PCLO: variants seen among roughly 807,000 people sequenced by gnomAD.
PCLO encodes the protein protein piccolo.
In PCLO, 82 loss-of-function variants were observed where a neutral mutation model predicts 427.5. The observed-to-expected ratio is 0.19, with a 90% CI of 0.16 to 0.23. The LOEUF is 0.23. PCLO is among the 10% of genes least tolerant of loss of function. PCLO has a pLI of 1.00. For missense variants in PCLO, 6,239 were observed against 6,115.9 expected, an observed-to-expected ratio of 1.02 and a Z score of -0.67; for synonymous variants, 2,357 against 2,155.4, an observed-to-expected ratio of 1.09 and a Z score of -2.59.
intron 6 of PCLO, among the ~76,000 whole-genome samples, chr7:82,924,202 G>A (rs570970313): frequency 2.6e-5 from 4 of 152,052 alleles, no homozygotes; most frequent in South Asian, 4.2e-4. Flanking sequence ...AAAGAGAACC[G>A]GAGGGAATAA....
chr7:83,048,039 C>T (rs1317450087), intron 3 of PCLO, among the ~76,000 whole-genome samples: 1 of 152,032 alleles, frequency 6.6e-6, no homozygotes, highest in East Asian at 1.9e-4. Flanking sequence ...TTTTTTTCCA[C>T]AACTCCAGCA....
chr7:83,065,678 G>A (rs1467512156), intron 3 of PCLO, among the ~76,000 whole-genome samples: 1 of 151,828 alleles, frequency 6.6e-6, no homozygotes, highest in Non-Finnish European at 1.5e-5. Flanking sequence ...AGATAAATTT[G>A]GCCAGAAATA....
intron 16 of PCLO, among the ~76,000 whole-genome samples, chr7:82,834,298 C>T (rs1792171298): frequency 6.6e-6 from 1 of 152,044 alleles, no homozygotes; most frequent in Non-Finnish European, 1.5e-5. Flanking sequence ...ACTAATTTTG[C>T]ATATCAGCCT....
chr7:82,814,933 T>A (rs1791645446), intron 20 of PCLO, among the ~76,000 whole-genome samples: 1 of 152,080 alleles, frequency 6.6e-6, no homozygotes, highest in East Asian at 1.9e-4. Context: ...AGAAACTGAT[T>A]AGCATCAGTT....
At chr7:82,876,237 T>A (rs760997883) in intron 10 of PCLO, among the ~76,000 whole-genome samples, 1 of 151,950 alleles carries the variant, frequency 6.6e-6, no homozygotes, top group African/African-American at 2.4e-5. Context: ...CTTCAACAAA[T>A]ACATTTAAAA....
At chr7:83,101,754 C>T (rs561824224) in intron 3 of PCLO, among the ~76,000 whole-genome samples, 29 of 152,188 alleles carry the variant, frequency 1.9e-4, no homozygotes, top group Admixed American at 1.1e-3. Context: ...TTGCCAATCA[C>T]GAGGCAATCC....
rs537157805 is a variant in PCLO at position 83,035,796 on chromosome 7, T to G, written c.3301-69309A>C. Among the ~76,000 whole-genome samples the G allele has an allele frequency of 3.3e-5, 5 of 152,270 alleles. No individual in the cohort carries two copies. The South Asian group carries it at 1.0e-3, about 32-fold the overall frequency. On this transcript the variant is annotated intron_variant, in intron 3 of 24. Transcript: ENST00000333891. Reference sequence around the variant, plus strand: ...AAAGTATAATGTGAATTAACATCTATTCTGTCCTTACTTTGTGACAGTCTT... The same window carrying G: ...AAAGTATAATGTGAATTAACATCTAGTCTGTCCTTACTTTGTGACAGTCTT...
chr7:82,764,515 C>T (rs965954844), intron 22 of PCLO, among the ~76,000 whole-genome samples: 5 of 151,882 alleles, frequency 3.3e-5, no homozygotes, highest in Middle Eastern at 3.4e-3. Context: ...GATTGGCTCA[C>T]AAAGCAAAGC....
chr7:83,016,731 T>C (rs1406480749), intron 3 of PCLO, among the ~76,000 whole-genome samples: 1 of 152,092 alleles, frequency 6.6e-6, no homozygotes. Context: ...GTAAATATTA[T>C]GAAAATTATT....
chr7:82,825,818 TA>T (rs1791927141), intron 18 of PCLO, among the ~76,000 whole-genome samples: 1 of 148,058 alleles, frequency 6.8e-6, no homozygotes, highest in Middle Eastern at 3.8e-3. Context: ...ATACAATGTA[TA>T]ATATACGTAT....
chr7:82,907,800 GA>G (rs1335362558), intron 8 of PCLO, among the ~76,000 whole-genome samples: 1 of 151,838 alleles, frequency 6.6e-6, no homozygotes, highest in African/African-American at 2.4e-5. Context: ...AAAATTCTAA[GA>G]AAAAATTCTG....
rs984329681 is a variant in PCLO, at chr7:82,949,263, A to ACACACACACACAAGCG, written c.11112+197_11112+212dup. 2.9e-3 allele frequency among the ~76,000 whole-genome samples: 446 copies of ACACACACACACAAGCG among 152,042 alleles called. 4 individuals carry two copies. Among genetic ancestry groups the ACACACACACACAAGCG allele is most frequent in the African/African-American group, 0.01 (423 of 41,420 alleles). ...AGTGAATGTATGGTTTCCTACACAC[A>ACACACACACACAAGCG]CACACACACACAAGCGCACACACAC... On this transcript the variant is annotated intron_variant, in intron 6 of 24. Coordinates refer to ENST00000333891, the MANE Select transcript of PCLO (RefSeq NM_033026.6).
chr7:83,095,210 C>T (rs1232759870), intron 3 of PCLO, among the ~76,000 whole-genome samples: 1 of 151,556 alleles, frequency 6.6e-6, no homozygotes, highest in Admixed American at 6.6e-5. Context: ...TTTGAGGAAT[C>T]GTTTTTTTCT....
chr7:82,915,149 C>T lies in PCLO; in HGVS notation c.12837G>A (p.Ala4279=), dbSNP rs368754412. The T allele has an allele frequency of 5.4e-5, 86 of 1,592,498 alleles. 1 individual carries two copies. Among genetic ancestry groups the T allele is most frequent in the South Asian group, 4.2e-4 (37 of 89,016 alleles). Residue 4279 remains alanine (A), a synonymous_variant, in exon 7 of 25, where the codon GCG becomes GCA. Coordinates refer to ENST00000333891, the MANE Select transcript of PCLO (RefSeq NM_033026.6). ...NTIRSALQDE[A]DKPYSSGSRS... ...TGCTGCCACTACTGTATGGCTTATC[C>T]GCTTCATCCTGCAGAGCTGAGCGTA...
chr7:83,147,266 A>G (rs944805957), intron 2 of PCLO, among the ~76,000 whole-genome samples: 6 of 152,114 alleles, frequency 3.9e-5, no homozygotes, highest in African/African-American at 1.4e-4. Flanking sequence ...TAAATAATAC[A>G]TGTTTTTAAA....
intron 10 of PCLO, among the ~76,000 whole-genome samples, chr7:82,866,173 C>A (rs1469141317): frequency 6.6e-6 from 1 of 152,080 alleles, no homozygotes; most frequent in Non-Finnish European, 1.5e-5. Flanking sequence ...CCAGATCATT[C>A]TTTCCCCTCC....
At chr7:83,047,352 G>A (rs2116242041) in intron 3 of PCLO, among the ~76,000 whole-genome samples, 1 of 151,862 alleles carries the variant, frequency 6.6e-6, no homozygotes, top group South Asian at 2.1e-4. Context: ...AATTTTTAGG[G>A]AGTATCACAC....
chr7:83,140,099 G>A (rs1045708835), intron 2 of PCLO, among the ~76,000 whole-genome samples: 2 of 152,160 alleles, frequency 1.3e-5, no homozygotes, highest in African/African-American at 4.8e-5. Context: ...CTTTCACAGC[G>A]CACTTAGGGT....
At chr7:82,795,267 C>A (rs984720626) in intron 22 of PCLO, among the ~76,000 whole-genome samples, 12 of 151,956 alleles carry the variant, frequency 7.9e-5, no homozygotes, top group Non-Finnish European at 1.8e-4. Context: ...ACTTTAAAAC[C>A]ATATATGGAC....
Sources: gnomAD v4.1 joint callset for allele counts (sites outside exome capture counted in the v4.1 genomes callset) on GRCh38, gnomAD v4.1.1 for gene constraint, MANE v1.5 for transcripts, NCBI Gene and HGNC (gene_info 2026-07-23, HGNC 2026-07-21) for gene names.